TBCK: variants seen among roughly 807,000 people sequenced by gnomAD.
The protein encoded by TBCK is TBC domain-containing protein kinase-like protein.
In TBCK, 99 loss-of-function variants were observed where a neutral mutation model predicts 113.4. The ratio of observed to expected loss-of-function variants is 0.87; its 90% CI spans 0.74 to 1.03. TBCK has a LOEUF of 1.03. TBCK is among the 50% of genes least tolerant of loss of function. The pLI is 0.00. For missense variants in TBCK, 1,045 were observed against 1,061.3 expected (o/e 0.98, Z 0.21); for synonymous variants, 369 against 370.8 (o/e 1.00, Z 0.05).
At chr4:106,205,754 T>A (rs1755423223) in intron 20 of TBCK, among the ~76,000 whole-genome samples, 1 of 149,388 alleles carries the variant, frequency 6.7e-6, no homozygotes, top group African/African-American at 2.5e-5. Flanking sequence ...GGAGTGAGAC[T>A]CTGTCTCAAA....
rs1759519576 is a variant in TBCK at position 106,236,779 on chromosome 4, A to G, written c.1200T>C (p.Phe400=). ...NRLKDVGGEA[F]YPLLEDDQSN... ...CTCACTCATCTTCAAGTAATGGGTA[A>G]AATGCTTCTCCACCAACATCTTTCA... Residue 400 remains phenylalanine, a synonymous_variant, in exon 13 of 26, where the codon TTT becomes TTC. Transcript: ENST00000394708. The G allele has an allele frequency of 1.3e-6, 2 of 1,519,240 alleles. No homozygotes were observed. The highest frequency in any genetic ancestry group is 1.8e-6 in the Non-Finnish European group (2 of 1,133,186). 94.1% of individuals were successfully genotyped at this position (1,519,240 alleles called of 1,614,324 possible).
chr4:106,158,206 A>T (rs553455527), intron 23 of TBCK, among the ~76,000 whole-genome samples: 3 of 152,240 alleles, frequency 2.0e-5, no homozygotes, highest in Non-Finnish European at 4.4e-5. Flanking sequence ...CTGAAGTCTG[A>T]AAAATGGATT....
intron 23 of TBCK, among the ~76,000 whole-genome samples, chr4:106,123,603 C>T (rs911527429): frequency 3.9e-5 from 6 of 152,138 alleles, no homozygotes; most frequent in South Asian, 2.1e-4. Flanking sequence ...GGAGGCATCA[C>T]ACTACCTGAC....
intron 25 of TBCK, among the ~76,000 whole-genome samples, chr4:106,091,976 C>G (rs1740305924): frequency 6.6e-6 from 1 of 152,096 alleles, no homozygotes; most frequent in Non-Finnish European, 1.5e-5. Flanking sequence ...CACAAAAGTT[C>G]TCCACCTCCC....
chr4:106,147,481 G>T (rs1747940086), intron 23 of TBCK, among the ~76,000 whole-genome samples: 1 of 152,180 alleles, frequency 6.6e-6, no homozygotes, highest in Non-Finnish European at 1.5e-5. Flanking sequence ...GAAGAACGTG[G>T]ATTGTGAAGA....
At chr4:106,064,194 G>A (rs1408718594) in intron 25 of TBCK, among the ~76,000 whole-genome samples, 2 of 151,408 alleles carry the variant, frequency 1.3e-5, no homozygotes, top group Admixed American at 1.3e-4. Context: ...AAAAGTAGAT[G>A]CAATGGCATG....
intron 22 of TBCK, among the ~76,000 whole-genome samples, chr4:106,191,853 G>C (rs572056942): frequency 6.6e-6 from 1 of 152,088 alleles, no homozygotes; most frequent in Non-Finnish European, 1.5e-5. Context: ...AACAACATGA[G>C]TGTTTAATAA....
chr4:106,194,867 T>A (rs1326456400), intron 20 of TBCK, 113 bp from the exon 21 acceptor site: 1 of 980,578 alleles, frequency 1.0e-6, no homozygotes, highest in Admixed American at 3.3e-5. Flanking sequence ...TTGGTCTACT[T>A]TATTGGTTAA....
At chr4:106,273,156 G>C (rs1425184437) in intron 3 of TBCK, among the ~76,000 whole-genome samples, 1 of 152,008 alleles carries the variant, frequency 6.6e-6, no homozygotes, top group Non-Finnish European at 1.5e-5. Flanking sequence ...TTCAACCCTT[G>C]GCTTTACAAT....
chr4:106,110,490 T>TA lies in TBCK; in HGVS notation c.2411+5712dup, dbSNP rs1199816011. Among the ~76,000 whole-genome samples, 9 of 152,172 alleles carry TA rather than the reference T, an allele frequency of 5.9e-5. No homozygotes were observed. In the East Asian group the frequency reaches 1.7e-3, roughly 29 times the overall value. ...ACAGTTATCAGCTCAACAGCAACAG[T>TA]ATATAAAAGCATTGAAACAGCTGCT... On this transcript the variant is annotated intron_variant, in intron 24 of 25. Transcript: ENST00000394708.
chr4:106,055,956 A>G (rs1735333381), intron 25 of TBCK, among the ~76,000 whole-genome samples: 2 of 151,400 alleles, frequency 1.3e-5, no homozygotes. Flanking sequence ...AAATTATACC[A>G]TAATTATGAT....
intron 20 of TBCK, among the ~76,000 whole-genome samples, chr4:106,209,818 A>G (rs1227648080): frequency 6.6e-6 from 1 of 151,892 alleles, no homozygotes; most frequent in African/African-American, 2.4e-5. Context: ...TTAAGTTTTT[A>G]TATTTATCTC....
chr4:106,052,480 T>A (rs1387302083), intron 25 of TBCK, among the ~76,000 whole-genome samples: 1 of 151,862 alleles, frequency 6.6e-6, no homozygotes, highest in Non-Finnish European at 1.5e-5. Context: ...ATACTAATAG[T>A]ATTCTTTAGT....
At chr4:106,154,407 C>T (rs1178238678) in intron 23 of TBCK, among the ~76,000 whole-genome samples, 1 of 152,076 alleles carries the variant, frequency 6.6e-6, no homozygotes. Flanking sequence ...TCTTAAAGTA[C>T]TGTCAATGTC....
intron 25 of TBCK, among the ~76,000 whole-genome samples, chr4:106,051,434 C>T (rs1734800967): frequency 6.6e-6 from 1 of 151,912 alleles, no homozygotes; most frequent in Admixed American, 6.6e-5. Flanking sequence ...ATTCCTTTCC[C>T]TCCAAATAAT....
At chr4:106,134,753 T>C (rs1746363753) in intron 23 of TBCK, among the ~76,000 whole-genome samples, 1 of 152,204 alleles carries the variant, frequency 6.6e-6, no homozygotes, top group Admixed American at 6.5e-5. Context: ...TGCAGTGGAA[T>C]GTCTACTTCA....
chr4:106,221,674 A>G (rs1757695896), intron 19 of TBCK, among the ~76,000 whole-genome samples: 3 of 152,104 alleles, frequency 2.0e-5, no homozygotes, highest in African/African-American at 7.2e-5. Context: ...AGTTACAAAA[A>G]AAAAAGAAAA....
At chr4:106,125,228 A>G (rs1745039610) in intron 23 of TBCK, among the ~76,000 whole-genome samples, 1 of 152,190 alleles carries the variant, frequency 6.6e-6, no homozygotes, top group African/African-American at 2.4e-5. Flanking sequence ...TGCTGGGTAT[A>G]TACCCAAAAG....
rs1735043634 is a variant in TBCK, at chr4:106,053,465, C to A, written c.2572-6785G>T. ...ATTAGCCTTCAGTACACCAATCTCT[C>A]CTGGTTCTACTACTTCACTAGCTGT... On this transcript the variant is annotated intron_variant, in intron 25 of 25. Coordinates refer to ENST00000394708, the MANE Select transcript of TBCK (RefSeq NM_001163435.3). Among the ~76,000 whole-genome samples the A allele has an allele frequency of 2.0e-5, 3 of 151,780 alleles. No homozygotes were observed. The South Asian group carries it at 6.2e-4, about 31-fold the overall frequency.
Sources: gnomAD v4.1 joint callset for allele counts (sites outside exome capture counted in the v4.1 genomes callset) on GRCh38, gnomAD v4.1.1 for gene constraint, MANE v1.5 for transcripts, NCBI Gene and HGNC (gene_info 2026-07-23, HGNC 2026-07-21) for gene names.